The following RANBP3 variants were observed in gnomAD, a reference collection of about 807,000 sequenced individuals.
The protein encoded by RANBP3 is ran-binding protein 3.
In RANBP3, 14 loss-of-function variants were observed where a neutral mutation model predicts 77.3. That is an observed-to-expected ratio of 0.18 (90% CI 0.12 to 0.28). The LOEUF is 0.28. RANBP3 is among the 10% of genes least tolerant of loss of function. RANBP3 has a pLI of 1.00. For synonymous variants in RANBP3, 315 were observed against 312.4 expected, an observed-to-expected ratio of 1.01 and a Z score of -0.09; for missense variants, 586 against 752.3, an observed-to-expected ratio of 0.78 and a Z score of 2.59.
chr19:5,957,615 G>C (rs528538418), intron 2 of RANBP3, among the ~76,000 whole-genome samples: 1 of 137,892 alleles, frequency 7.3e-6, no homozygotes, highest in African/African-American at 2.6e-5. Flanking sequence ...GTTTTCCTAA[G>C]GTACAGTGGC....
rs10417885 is a variant in RANBP3, at chr19:5,924,882, G to A, written c.941C>T (p.Ala314Val). ...SSSLENSTNSADASSNKFVFG... is the reference protein window; with the variant it reads ...SSSLENSTNSVDASSNKFVFG... ...TACAAATTTGTTGCTGGAGGCGTCG[G>A]CACTATTGGTTGAGTTCTCTAAACT... The change falls in exon 11 of 17, where the codon GCC (alanine) becomes GTC (valine). Residue 314 changes from alanine to valine, a missense_variant. Physicochemically the swap from Ala to Val is moderately conservative, Grantham distance 64. This residue lies in a region of RANBP3 where 232 missense variants were observed against 271.7 expected (regional missense o/e 0.85). Transcript: ENST00000340578. The surrounding 1 kb of genome is among the most constrained non-coding windows in gnomAD (Gnocchi z 4.7). The A allele has an allele frequency of 4.0e-3, 6,393 of 1,614,092 alleles. 198 individuals carry two copies. In the African/African-American group the frequency reaches 0.068, roughly 17 times the overall value.
chr19:5,944,902 G>T (rs1473950640), intron 3 of RANBP3, among the ~76,000 whole-genome samples: 2 of 152,190 alleles, frequency 1.3e-5, no homozygotes, highest in Non-Finnish European at 2.9e-5. Context: ...TGTCCTCCCT[G>T]GTCCTGGGGG....
chr19:5,967,009 G>C (rs1238124351), intron 1 of RANBP3, among the ~76,000 whole-genome samples: 2 of 152,202 alleles, frequency 1.3e-5, no homozygotes, highest in Non-Finnish European at 2.9e-5. Context: ...TATTTTTTCA[G>C]AAATTATTAT....
rs1275812142 is a variant in RANBP3 at position 5,959,447 on chromosome 19, C to G, written c.23-1474G>C. On this transcript the variant is annotated intron_variant, in intron 1 of 16. Transcript: ENST00000340578. This position sits in a 1 kb window ranked among gnomAD's most constrained non-coding sequence, Gnocchi z 5.1. ...AGGCAGCCCACTGATGGTGACATTCCCCCCACCATGCTCCCCGAAGCCTCG... is the reference window on the plus strand; with the variant it reads ...AGGCAGCCCACTGATGGTGACATTCGCCCCACCATGCTCCCCGAAGCCTCG... Among the ~76,000 whole-genome samples the G allele has an allele frequency of 6.6e-6, 1 of 152,038 alleles. No individual in the cohort carries two copies. Among genetic ancestry groups the G allele is most frequent in the African/African-American group, 2.4e-5 (1 of 41,390 alleles).
intron 5 of RANBP3, among the ~76,000 whole-genome samples, chr19:5,936,128 G>A (rs2058061120): frequency 6.6e-6 from 1 of 152,254 alleles, no homozygotes; most frequent in African/African-American, 2.4e-5. Context: ...GAAGGGATGG[G>A]AATGAGACTG....
chr19:5,932,390 G>T, intron 7 of RANBP3, 62 bp downstream of exon 7: 1 of 1,351,500 alleles, frequency 7.4e-7, no homozygotes, highest in Non-Finnish European at 1.1e-6. Flanking sequence ...TGTCCCGGGT[G>T]CGACTTCGGG....
At chr19:5,977,716 T>G (rs1185686635) in intron 1 of RANBP3, among the ~76,000 whole-genome samples, 3 of 152,028 alleles carry the variant, frequency 2.0e-5, no homozygotes, top group Non-Finnish European at 4.4e-5. Flanking sequence ...GGCCCTAAGG[T>G]CTATTTACAT....
At chr19:5,961,041 C>T (rs2058393579) in intron 1 of RANBP3, among the ~76,000 whole-genome samples, 1 of 152,178 alleles carries the variant, frequency 6.6e-6, no homozygotes, top group African/African-American at 2.4e-5. Flanking sequence ...TTCCTGTACC[C>T]ACCCCTGCCA....
chr19:5,946,725 G>A (rs151280649), intron 3 of RANBP3, among the ~76,000 whole-genome samples: 30 of 151,600 alleles, frequency 2.0e-4, no homozygotes, highest in African/African-American at 6.8e-4. Context: ...CTCAGGAGAC[G>A]TTGGAACTTG....
chr19:5,967,248 T>C (rs2058478624), intron 1 of RANBP3, among the ~76,000 whole-genome samples: 2 of 152,238 alleles, frequency 1.3e-5, no homozygotes, highest in Admixed American at 1.3e-4. Context: ...TATATTTCTA[T>C]AACTTTCAAC....
Position 5,932,824 on chromosome 19 carries a change from A to G in RANBP3, c.473-280T>C, listed in dbSNP as rs925289443. The G allele has an allele frequency of 8.6e-6, 4 of 467,490 alleles. No individual in the cohort carries two copies. In the Admixed American group the frequency reaches 1.2e-4, roughly 14 times the overall value. 29.0% of individuals were successfully genotyped at this position (467,490 alleles called of 1,614,324 possible). Reference sequence around the variant, plus strand: ...GGGGCGCCGGCAGACTCAACAGTCAAGTGGAGACTGTGGGAGGAGAGCAGT... The same window carrying G: ...GGGGCGCCGGCAGACTCAACAGTCAGGTGGAGACTGTGGGAGGAGAGCAGT... On this transcript the variant is annotated intron_variant, in intron 6 of 16. Coordinates refer to ENST00000340578, the MANE Select transcript of RANBP3 (RefSeq NM_007322.3).
At chr19:5,933,662 G>C (rs868356670) in intron 5 of RANBP3, 183 bp from the exon 6 acceptor site, 1 of 541,996 alleles carries the variant, frequency 1.8e-6, no homozygotes, top group East Asian at 3.3e-5. Context: ...GGCGCCTGGA[G>C]GAGGGGAGAG....
chr19:5,953,762 G>T (rs961400164), intron 2 of RANBP3, among the ~76,000 whole-genome samples: 4 of 152,206 alleles, frequency 2.6e-5, no homozygotes, highest in African/African-American at 9.7e-5. Flanking sequence ...GCATGTAAAC[G>T]CAGGCGTTTC....
Position 5,923,291 on chromosome 19 carries a change from T to A in RANBP3, c.1112A>T (p.Glu371Val). The A allele has an allele frequency of 6.2e-7, 1 of 1,614,172 alleles. No individual in the cohort carries two copies. Among genetic ancestry groups the A allele is most frequent in the Non-Finnish European group, 8.5e-7 (1 of 1,180,024 alleles). ...TGCCTTGGTGTAGGCGGCTGCCGAC[T>A]CAGCCAGGGACTCTGAAAAGTTATT... Reference protein sequence around the residue: ...EATPEKESLAESAAAYTKATA... With the variant: ...EATPEKESLAVSAAAYTKATA... The change falls in exon 13 of 17, where the codon GAG becomes GTG. Residue 371 changes from glutamate (E) to valine (V), a missense_variant. By Grantham distance (121) the Glu-to-Val change is moderately radical. Around this residue, in one of 5 missense-constraint regions of RANBP3, gnomAD observed 51 missense variants for 123.2 expected, o/e 0.41. Transcript: ENST00000340578.
chr19:5,971,651 C>T (rs983259969), intron 1 of RANBP3, among the ~76,000 whole-genome samples: 1 of 152,322 alleles, frequency 6.6e-6, no homozygotes, highest in Non-Finnish European at 1.5e-5. Flanking sequence ...GACTGCAGGG[C>T]CCCGGACCAT....
At chr19:5,945,480 A>G (rs1007528210) in intron 3 of RANBP3, among the ~76,000 whole-genome samples, 8 of 152,194 alleles carry the variant, frequency 5.3e-5, no homozygotes, top group African/African-American at 1.9e-4. Flanking sequence ...CCCCCCATGG[A>G]GAATTTTCCA....
chr19:5,966,741 T>C (rs2145256221), intron 1 of RANBP3, among the ~76,000 whole-genome samples: 1 of 152,354 alleles, frequency 6.6e-6, no homozygotes, highest in African/African-American at 2.4e-5. Context: ...ATCTTTGCTT[T>C]TTCTGTTTAT....
chr19:5,975,994 G>A (rs2058586344), intron 1 of RANBP3, among the ~76,000 whole-genome samples: 1 of 152,108 alleles, frequency 6.6e-6, no homozygotes, highest in Admixed American at 6.6e-5. Flanking sequence ...TTCTCAGATG[G>A]GTAAGGGTGG....
At position 5,978,113 on chromosome 19, in the gene RANBP3, C is replaced by G. The variant is rs1477066705; in HGVS notation, c.-31G>C. On this transcript the variant is annotated 5_prime_UTR_variant, in exon 1 of 17. Coordinates refer to ENST00000340578, the MANE Select transcript of RANBP3 (RefSeq NM_007322.3). ...TTCCTTAAGCCCTCCCACAAGGCCC[C>G]GCGCCGGCCCAGGCTCGCCTGCTTT... is the stretch of plus-strand genomic sequence containing the variant. The G allele has an allele frequency of 1.2e-6, 2 of 1,601,206 alleles. No individual in the cohort carries two copies. The highest frequency in any genetic ancestry group is 1.7e-6 in the Non-Finnish European group (2 of 1,174,806).
Sources: allele counts gnomAD v4.1 joint callset (sites outside exome capture counted in the v4.1 genomes callset), GRCh38; gene constraint gnomAD v4.1.1; regional missense constraint gnomAD v4.1.1; non-coding constraint Gnocchi (gnomAD v3.1); transcripts MANE v1.5; gene names NCBI Gene and HGNC (gene_info 2026-07-23, HGNC 2026-07-21).